Variants in IQCM observed in about 807,000 individuals in gnomAD.
IQCM encodes the protein IQ domain-containing protein M.
A neutral mutation model predicts 57.6 loss-of-function variants in IQCM; 45 were observed. The observed-to-expected ratio is 0.78, with a 90% CI of 0.62 to 1.00. IQCM has a LOEUF of 1.00. Among genes scored for constraint, IQCM ranks in the 50% least tolerant of loss-of-function variants. The pLI is 0.00. For synonymous variants in IQCM, 148 were observed against 158.9 expected, an observed-to-expected ratio of 0.93 and a Z score of 0.51; for missense variants, 468 against 511.6, an observed-to-expected ratio of 0.91 and a Z score of 0.82.
At chr4:149,771,157 G>A (rs1770536881) in intron 2 of IQCM, among the ~76,000 whole-genome samples, 1 of 151,942 alleles carries the variant, frequency 6.6e-6, no homozygotes, top group Non-Finnish European at 1.5e-5. Context: ...TTATTTTTCA[G>A]ACAGATAACC....
At chr4:149,672,653 G>C (rs1761402340) in intron 7 of IQCM, among the ~76,000 whole-genome samples, 1 of 152,156 alleles carries the variant, frequency 6.6e-6, no homozygotes, top group African/African-American at 2.4e-5. Context: ...ACATCTGATT[G>C]ATGTACCTGA....
intron 12 of IQCM, among the ~76,000 whole-genome samples, chr4:149,437,418 GC>G (rs1735471676): frequency 1.3e-5 from 2 of 152,028 alleles, no homozygotes; most frequent in Admixed American, 6.6e-5. Flanking sequence ...ACTGATGATG[GC>G]CCTCTCAGTT....
At chr4:149,604,411 C>A (rs12508653) in intron 8 of IQCM, among the ~76,000 whole-genome samples, 3,623 of 152,218 alleles carry the variant, frequency 0.024, 105 homozygotes, top group South Asian at 0.15. Flanking sequence ...ATCATTCTAA[C>A]AGCTCATCAG....
At chr4:149,377,937 G>T (rs376401754) in intron 13 of IQCM, among the ~76,000 whole-genome samples, 1 of 152,112 alleles carries the variant, frequency 6.6e-6, no homozygotes, top group African/African-American at 2.4e-5. Flanking sequence ...ATCTTGAACT[G>T]TAGCTCCCAT....
At chr4:149,365,941 C>T (rs965080784) in intron 13 of IQCM, among the ~76,000 whole-genome samples, 2 of 151,998 alleles carry the variant, frequency 1.3e-5, no homozygotes, top group Non-Finnish European at 2.9e-5. Context: ...CCAGTGAAAT[C>T]CAAATAAAGT....
rs1194011700 is a variant in IQCM, at chr4:149,611,482, C to T, written c.681+9647G>A. Among the ~76,000 whole-genome samples, 5 of 152,114 alleles carry T rather than the reference C, an allele frequency of 3.3e-5. No individual in the cohort carries two copies. In the East Asian group the frequency reaches 9.7e-4, roughly 29 times the overall value. Reference sequence around the variant, plus strand: ...ATAAAGAAAGTATGGTACATATACACAATAGAATATTATTCAGACATAAAA... The same window carrying T: ...ATAAAGAAAGTATGGTACATATACATAATAGAATATTATTCAGACATAAAA... On this transcript the variant is annotated intron_variant, in intron 8 of 13. Coordinates refer to ENST00000636793, the MANE Select transcript of IQCM (RefSeq NM_001363507.2).
At position 149,447,593 on chromosome 4, in the gene IQCM, A is replaced by G. The variant is rs182973364; in HGVS notation, c.1229-14036T>C. 2.5e-3 allele frequency among the ~76,000 whole-genome samples: 376 copies of G among 151,710 alleles called. 3 individuals carry two copies. Among genetic ancestry groups the G allele is most frequent in the Non-Finnish European group, 4.0e-3 (268 of 67,670 alleles). On this transcript the variant is annotated intron_variant, in intron 12 of 13. Coordinates refer to ENST00000636793, the MANE Select transcript of IQCM (RefSeq NM_001363507.2). ...GAACATACCAGTGAAAACTCTGCAA[A>G]TGAAACAGGGAAAAAAGACTAAAAA...
At chr4:149,619,108 A>ATATG (rs1491533714) in intron 8 of IQCM, among the ~76,000 whole-genome samples, 1 of 36,156 alleles carries the variant, frequency 2.8e-5, no homozygotes, top group Non-Finnish European at 4.6e-5. Context: ...TGTGGGATGG[A>ATATG]TATATATATA....
rs1470846379 is a variant in IQCM at position 149,680,650 on chromosome 4, A to G, written c.565+1468T>C. ...AAGTATAAGGAGTCTTTTAGCTTCT[A>G]TGAAGTTATGGTTCAATTAATAAAC... On this transcript the variant is annotated intron_variant, in intron 7 of 13. Transcript: ENST00000636793. Among the ~76,000 whole-genome samples the G allele has an allele frequency of 5.3e-5, 8 of 151,494 alleles. No individual in the cohort carries two copies. The East Asian group carries it at 1.2e-3, about 22-fold the overall frequency.
intron 12 of IQCM, among the ~76,000 whole-genome samples, chr4:149,488,225 T>C (rs1741731788): frequency 6.6e-6 from 1 of 152,140 alleles, no homozygotes; most frequent in South Asian, 2.1e-4. Context: ...GCAATATTTA[T>C]CTATTACAAA....
intron 5 of IQCM, among the ~76,000 whole-genome samples, chr4:149,690,018 C>A (rs968277950): frequency 1.3e-5 from 2 of 152,084 alleles, no homozygotes; most frequent in African/African-American, 4.8e-5. Flanking sequence ...CCTTAAAGAA[C>A]TAAAAGTAGA....
intron 12 of IQCM, among the ~76,000 whole-genome samples, chr4:149,467,501 T>C (rs1364722466): frequency 1.3e-5 from 2 of 152,160 alleles, no homozygotes; most frequent in Non-Finnish European, 2.9e-5. Flanking sequence ...AATAAGTAAA[T>C]TGCTTGTATG....
At chr4:149,684,099 C>T (rs1466475555) in intron 6 of IQCM, among the ~76,000 whole-genome samples, 1 of 151,252 alleles carries the variant, frequency 6.6e-6, no homozygotes. Context: ...TTAATAAATG[C>T]ATTTTGTTGA....
intron 13 of IQCM, among the ~76,000 whole-genome samples, chr4:149,378,093 C>T (rs1268489361): frequency 4.6e-5 from 7 of 152,122 alleles, no homozygotes; most frequent in Admixed American, 1.3e-4. Flanking sequence ...GGTTTTCATT[C>T]TCTTGTCTTG....
At chr4:149,773,658 C>T (rs1770805671) in intron 2 of IQCM, among the ~76,000 whole-genome samples, 1 of 152,198 alleles carries the variant, frequency 6.6e-6, no homozygotes, top group Admixed American at 6.5e-5. Flanking sequence ...GTTAGTGATT[C>T]TTCTCAGCCA....
At chr4:149,599,864 G>A (rs1754113011) in intron 8 of IQCM, among the ~76,000 whole-genome samples, 2 of 151,862 alleles carry the variant, frequency 1.3e-5, no homozygotes, top group Non-Finnish European at 1.5e-5. Flanking sequence ...TTTATTGGCT[G>A]GAATTAAAAC....
intron 13 of IQCM, among the ~76,000 whole-genome samples, chr4:149,414,923 G>A (rs1320116647): frequency 2.6e-5 from 4 of 152,006 alleles, no homozygotes; most frequent in African/African-American, 9.7e-5. Flanking sequence ...TCTCTGGCTT[G>A]TAGATTCATG....
chr4:149,547,201 C>T (rs1375233201), intron 12 of IQCM, among the ~76,000 whole-genome samples: 1 of 152,088 alleles, frequency 6.6e-6, no homozygotes, highest in East Asian at 1.9e-4. Flanking sequence ...GGTACCAGTA[C>T]CATGCTGTTT....
intron 8 of IQCM, among the ~76,000 whole-genome samples, chr4:149,606,960 A>C (rs1178153552): frequency 2.0e-5 from 3 of 152,138 alleles, no homozygotes; most frequent in Non-Finnish European, 2.9e-5. Context: ...CTTAAAGAAG[A>C]TATAGACACA....
Sources: allele counts gnomAD v4.1 joint callset (sites outside exome capture counted in the v4.1 genomes callset), GRCh38; gene constraint gnomAD v4.1.1; transcripts MANE v1.5; gene names NCBI Gene and HGNC (gene_info 2026-07-23, HGNC 2026-07-21).